Variants in AOAH observed in about 807,000 individuals in gnomAD.
AOAH encodes the protein acyloxyacyl hydrolase.
A neutral mutation model predicts 92.2 loss-of-function variants in AOAH; 64 were observed. The observed-to-expected ratio is 0.69, with a 90% confidence interval of 0.57 to 0.86. AOAH has a LOEUF of 0.86. Among genes scored for constraint, AOAH ranks in the 40% least tolerant of loss-of-function variants. The pLI is 0.00. For synonymous variants in AOAH, 263 were observed against 254.5 expected, an observed-to-expected ratio of 1.03 and a Z score of -0.32; for missense variants, 656 against 694.6, an observed-to-expected ratio of 0.94 and a Z score of 0.62.
chr7:36,513,557 T>A (rs1790166126), intron 20 of AOAH, among the ~76,000 whole-genome samples, 177 bp from the exon 21 acceptor site: 1 of 152,218 alleles, frequency 6.6e-6, no homozygotes, highest in Admixed American at 6.5e-5. Context: ...CACTTGCTTC[T>A]AACAGAGGAA....
intron 3 of AOAH, among the ~76,000 whole-genome samples, chr7:36,668,098 T>C (rs1019007283): frequency 6.6e-6 from 1 of 152,218 alleles, no homozygotes; most frequent in East Asian, 1.9e-4. Flanking sequence ...TGTTTTTTAT[T>C]TGTTACCGTT....
At chr7:36,629,650 G>C (rs1484628033) in intron 6 of AOAH, among the ~76,000 whole-genome samples, 1 of 152,216 alleles carries the variant, frequency 6.6e-6, no homozygotes, top group Admixed American at 6.5e-5. Flanking sequence ...TATGCCAGAA[G>C]ATTGGCTAGG....
chr7:36,662,495 C>A (rs573178716), intron 3 of AOAH, among the ~76,000 whole-genome samples: 2 of 152,162 alleles, frequency 1.3e-5, no homozygotes, highest in South Asian at 4.1e-4. Flanking sequence ...GTCAGTAAAT[C>A]GAGAGGGTGG....
At chr7:36,631,304 G>A (rs547147066) in intron 6 of AOAH, among the ~76,000 whole-genome samples, 15 of 150,362 alleles carry the variant, frequency 1.0e-4, no homozygotes, top group Admixed American at 3.3e-4. Flanking sequence ...CCATGATCAC[G>A]CCATTGCACT....
chr7:36,668,865 C>G (rs1463133024), intron 3 of AOAH, among the ~76,000 whole-genome samples: 1 of 152,210 alleles, frequency 6.6e-6, no homozygotes, highest in Non-Finnish European at 1.5e-5. Flanking sequence ...GCTGTTAGAA[C>G]AGAGTGGTGA....
At chr7:36,553,739 G>A (rs1477192328) in intron 13 of AOAH, among the ~76,000 whole-genome samples, 2 of 152,056 alleles carry the variant, frequency 1.3e-5, no homozygotes, top group African/African-American at 4.8e-5. Flanking sequence ...GATGGTCAGT[G>A]ATGAGCATTT....
intron 13 of AOAH, among the ~76,000 whole-genome samples, chr7:36,557,394 C>G (rs1290635287): frequency 6.6e-6 from 1 of 152,218 alleles, no homozygotes; most frequent in Non-Finnish European, 1.5e-5. Flanking sequence ...GTAACCCGAC[C>G]TTTCTCTCTG....
chr7:36,564,347 T>G (rs1472001510), intron 13 of AOAH, among the ~76,000 whole-genome samples: 3 of 152,236 alleles, frequency 2.0e-5, no homozygotes, highest in Admixed American at 2.0e-4. Flanking sequence ...CTTTTTGTCT[T>G]TGTTTCCCAT....
At chr7:36,715,806 C>G (rs1251264031) in intron 1 of AOAH, among the ~76,000 whole-genome samples, 3 of 151,476 alleles carry the variant, frequency 2.0e-5, no homozygotes, top group Non-Finnish European at 4.4e-5. Context: ...CTTCCTTACA[C>G]CTTATACAAA....
intron 3 of AOAH, among the ~76,000 whole-genome samples, chr7:36,670,132 C>T (rs1795825933): frequency 6.6e-6 from 1 of 151,984 alleles, no homozygotes; most frequent in African/African-American, 2.4e-5. Flanking sequence ...CACAATTAGT[C>T]CATGAATTAT....
At chr7:36,566,996 C>T (rs2116539245) in intron 13 of AOAH, among the ~76,000 whole-genome samples, 1 of 152,186 alleles carries the variant, frequency 6.6e-6, no homozygotes, top group South Asian at 2.1e-4. Flanking sequence ...TTTTTTAGTA[C>T]AGACGGGGCT....
At chr7:36,604,998 C>A (rs1790900031) in intron 11 of AOAH, among the ~76,000 whole-genome samples, 1 of 152,202 alleles carries the variant, frequency 6.6e-6, no homozygotes, top group Admixed American at 6.5e-5. Context: ...AATCTTTGGA[C>A]TTTGTACTTC....
chr7:36,594,594 A>C (rs1285429363), intron 11 of AOAH, 164 bp from the exon 12 acceptor site: 15 of 696,124 alleles, frequency 2.2e-5, no homozygotes, highest in Non-Finnish European at 3.7e-5. Flanking sequence ...CTAACCTTCA[A>C]CTTCATCAGG....
intron 15 of AOAH, among the ~76,000 whole-genome samples, chr7:36,541,116 G>A (rs747859724): frequency 2.0e-5 from 3 of 152,074 alleles, no homozygotes; most frequent in Non-Finnish European, 4.4e-5. Context: ...TATATTATAC[G>A]TCCACACTGT....
At chr7:36,598,951 GT>G (rs2115617799) in intron 11 of AOAH, among the ~76,000 whole-genome samples, 1 of 152,220 alleles carries the variant, frequency 6.6e-6, no homozygotes, top group South Asian at 2.1e-4. Context: ...CGTTTTAAAT[GT>G]ACCTTAAATG....
chr7:36,618,419 A>T lies in AOAH; in HGVS notation c.703-74T>A, dbSNP rs182228460. 694 of 1,411,940 alleles carry T rather than the reference A, an allele frequency of 4.9e-4. 3 individuals are homozygous for T. Among genetic ancestry groups the T allele is most frequent in the Admixed American group, 2.6e-3 (147 of 56,034 alleles). 87.5% of individuals were successfully genotyped at this position (1,411,940 alleles called of 1,614,324 possible). A position where few individuals can be genotyped will look rare whatever the true frequency, so the allele number is the denominator to read the frequency against. ...GATACATATACTAAAGCTCTCCTAAATGGCTTTAAAAGCACAAAGGCAAAT... is the reference window on the plus strand; with the variant it reads ...GATACATATACTAAAGCTCTCCTAATTGGCTTTAAAAGCACAAAGGCAAAT... On this transcript the variant is annotated intron_variant, in intron 9 of 20. Transcript: ENST00000617537.
Position 36,547,374 on chromosome 7 carries a change from A to C in AOAH, c.1133+1238T>G, listed in dbSNP as rs1358172111. Among the ~76,000 whole-genome samples the C allele has an allele frequency of 2.0e-5, 3 of 152,194 alleles. No individual in the cohort carries two copies. The South Asian group carries it at 6.2e-4, about 32-fold the overall frequency. Reference sequence around the variant, plus strand: ...AACACACTTCACTGATTATGTCTGCATCTCCTTTGCCATCTGAATTTTATC... The same window carrying C: ...AACACACTTCACTGATTATGTCTGCCTCTCCTTTGCCATCTGAATTTTATC... On this transcript the variant is annotated intron_variant, in intron 15 of 20. Transcript: ENST00000617537.
chr7:36,634,954 G>A (rs1159587469), intron 5 of AOAH, among the ~76,000 whole-genome samples: 1 of 152,070 alleles, frequency 6.6e-6, no homozygotes, highest in Non-Finnish European at 1.5e-5. Flanking sequence ...GGGTTAAGTG[G>A]GTGGCAGATG....
At position 36,718,903 on chromosome 7, in the gene AOAH, T is replaced by C. The variant is rs367949793; in HGVS notation, c.127+5119A>G. 2.0e-5 allele frequency among the ~76,000 whole-genome samples: 3 copies of C among 152,220 alleles called. No homozygotes were observed. In the South Asian group the frequency reaches 6.2e-4, roughly 31 times the overall value. On this transcript the variant is annotated intron_variant, in intron 1 of 20. Coordinates refer to ENST00000617537, the MANE Select transcript of AOAH (RefSeq NM_001637.4). Reference sequence around the variant, plus strand: ...CTCATGAATATACTAAATGCCACTTTTACACTTTAAAAGAGTGAAGTTTAT... The same window carrying C: ...CTCATGAATATACTAAATGCCACTTCTACACTTTAAAAGAGTGAAGTTTAT...
Sources: gnomAD v4.1 joint callset for allele counts (sites outside exome capture counted in the v4.1 genomes callset) on GRCh38, gnomAD v4.1.1 for gene constraint, MANE v1.5 for transcripts, NCBI Gene and HGNC (gene_info 2026-07-23, HGNC 2026-07-21) for gene names.